MSH3: variants seen among roughly 807,000 people sequenced by gnomAD.
The protein encoded by MSH3 is DNA mismatch repair protein Msh3.
Under a neutral mutation model 123.3 loss-of-function variants are expected in MSH3, and 106 were observed. The ratio of observed to expected loss-of-function variants is 0.86; its 90% CI spans 0.73 to 1.01. The LOEUF is 1.01. Among genes scored for constraint, MSH3 ranks in the 50% least tolerant of loss-of-function variants. The pLI is 0.00. For missense variants in MSH3, 1,459 were observed against 1,347.6 expected, an observed-to-expected ratio of 1.08 and a Z score of -1.29; for synonymous variants, 515 against 481.4, an observed-to-expected ratio of 1.07 and a Z score of -0.91.
intron 8 of MSH3, among the ~76,000 whole-genome samples, chr5:80,683,409 G>A (rs1750015853): frequency 6.6e-6 from 1 of 152,000 alleles, no homozygotes; most frequent in Non-Finnish European, 1.5e-5. Flanking sequence ...TTTTAACTGA[G>A]GTGAGATGGT....
chr5:80,767,885 A>AT (rs1199864164), intron 13 of MSH3, 48 bp from the exon 14 acceptor site: 2 of 1,438,994 alleles, frequency 1.4e-6, no homozygotes, highest in Admixed American at 3.4e-5. Flanking sequence ...ATTAAACTTC[A>AT]TTTTCATGTA....
chr5:80,833,229 C>G (rs1745450116), intron 20 of MSH3, among the ~76,000 whole-genome samples: 1 of 151,946 alleles, frequency 6.6e-6, no homozygotes, highest in East Asian at 1.9e-4. Context: ...TAACTGTAAC[C>G]TTCTGTCTAC....
chr5:80,776,466 A>G (rs1744301087), intron 16 of MSH3, among the ~76,000 whole-genome samples: 1 of 152,014 alleles, frequency 6.6e-6, no homozygotes, highest in African/African-American at 2.4e-5. Flanking sequence ...TGAGCTCCAC[A>G]TTTCTTTATT....
At chr5:80,833,440 TA>T (rs1160480845) in intron 20 of MSH3, among the ~76,000 whole-genome samples, 2 of 152,206 alleles carry the variant, frequency 1.3e-5, no homozygotes, top group Admixed American at 6.5e-5. Flanking sequence ...AAACTTTATT[TA>T]TTTTTTTGTT....
At position 80,836,543 on chromosome 5, in the gene MSH3, C is replaced by CA. The variant is rs71603568; in HGVS notation, c.2814-17564dup. ...TCACATCAGCTCTTTGAATATGCCA[C>CA]AAAAAAAAAAAAAAAAAAAAAAAGC... is the stretch of plus-strand genomic sequence containing the variant. On this transcript the variant is annotated intron_variant, in intron 20 of 23. Coordinates refer to ENST00000265081, the MANE Select transcript of MSH3 (RefSeq NM_002439.5). Among the ~76,000 whole-genome samples the CA allele has an allele frequency of 8.3e-3, 990 of 118,664 alleles. 18 individuals are homozygous for CA. Among genetic ancestry groups the CA allele is most frequent in the African/African-American group, 0.019 (591 of 30,786 alleles). 77.8% of individuals were successfully genotyped at this position (118,664 alleles called of 152,430 possible). A position where few individuals can be genotyped will look rare whatever the true frequency, so the allele number is the denominator to read the frequency against.
chr5:80,808,462 T>C (rs1398668686), intron 19 of MSH3, among the ~76,000 whole-genome samples: 2 of 152,184 alleles, frequency 1.3e-5, no homozygotes, highest in East Asian at 1.9e-4. Flanking sequence ...CTTGACCTGG[T>C]TGAAGAAGTT....
intron 11 of MSH3, among the ~76,000 whole-genome samples, chr5:80,743,890 C>G (rs1239907611): frequency 6.6e-6 from 1 of 151,674 alleles, no homozygotes; most frequent in Admixed American, 6.6e-5. Flanking sequence ...TGGAAACAGC[C>G]ATTTTAGGTC....
At position 80,691,889 on chromosome 5, in the gene MSH3, GTA is replaced by G. The variant is rs1246194441; in HGVS notation, c.1340+12800_1340+12801del. On this transcript the variant is annotated intron_variant, in intron 8 of 23. Coordinates refer to ENST00000265081, the MANE Select transcript of MSH3 (RefSeq NM_002439.5). Reference sequence around the variant, plus strand: ...CATGTATGTTTATATAGATAAACGTGTATATGTTTATATAGATAAACATGTAT... The same window carrying G: ...CATGTATGTTTATATAGATAAACGTGTATGTTTATATAGATAAACATGTAT... Among the ~76,000 whole-genome samples, 200 of 131,986 alleles carry G rather than the reference GTA, an allele frequency of 1.5e-3. 8 individuals carry two copies. Among genetic ancestry groups the G allele is most frequent in the African/African-American group, 3.6e-3 (129 of 35,516 alleles). 86.6% of individuals were successfully genotyped at this position (131,986 alleles called of 152,430 possible). A position where few individuals can be genotyped will look rare whatever the true frequency, so the allele number is the denominator to read the frequency against.
At chr5:80,805,221 T>C (rs1330987819) in intron 19 of MSH3, among the ~76,000 whole-genome samples, 1 of 152,234 alleles carries the variant, frequency 6.6e-6, no homozygotes, top group South Asian at 2.1e-4. Flanking sequence ...GCTCTCAAAG[T>C]TGTAGCCTTG....
intron 20 of MSH3, among the ~76,000 whole-genome samples, chr5:80,828,942 G>T (rs985340915): frequency 4.6e-5 from 7 of 152,316 alleles, no homozygotes; most frequent in Middle Eastern, 6.8e-3. Context: ...TCCCAGGCTG[G>T]AGCTGAATGC....
chr5:80,857,216 T>C (rs993187104), intron 21 of MSH3, among the ~76,000 whole-genome samples: 5 of 152,224 alleles, frequency 3.3e-5, no homozygotes, highest in African/African-American at 1.2e-4. Flanking sequence ...TGTTCAAATG[T>C]TGAATGAGTC....
rs189118389 is a variant in MSH3, at chr5:80,670,369, A to G, written c.792+60A>G. The G allele has an allele frequency of 1.4e-5, 22 of 1,530,132 alleles. No homozygotes were observed. The East Asian group carries it at 3.6e-4, about 25-fold the overall frequency. The allele number at this position is 1,530,132 out of a possible 1,614,324, so 94.8% of individuals were successfully genotyped here. A position where few individuals can be genotyped will look rare whatever the true frequency, so the allele number is the denominator to read the frequency against. Reference sequence around the variant, plus strand: ...TCTTGTCTAGCCTTAGATATTTTTCAGTATTTTTGTTTCATTTTCTGACCT... The same window carrying G: ...TCTTGTCTAGCCTTAGATATTTTTCGGTATTTTTGTTTCATTTTCTGACCT... On this transcript the variant is annotated intron_variant, in intron 4 of 23. Transcript: ENST00000265081.
intron 2 of MSH3, among the ~76,000 whole-genome samples, chr5:80,664,035 TAGTA>T (rs772690365): frequency 5.0e-4 from 76 of 152,328 alleles, no homozygotes; most frequent in Non-Finnish European, 1.6e-4. Flanking sequence ...TACTGTGTTC[TAGTA>T]CATGGTAGGG....
intron 12 of MSH3, among the ~76,000 whole-genome samples, chr5:80,746,033 A>G (rs886675952): frequency 3.9e-5 from 6 of 152,124 alleles, no homozygotes; most frequent in South Asian, 2.1e-4. Flanking sequence ...TAACTGGACA[A>G]TAATCTAGGC....
chr5:80,742,559 CT>C (rs796339028), intron 11 of MSH3, among the ~76,000 whole-genome samples: 8 of 152,312 alleles, frequency 5.3e-5, no homozygotes, highest in African/African-American at 1.9e-4. Flanking sequence ...ATATTTATTA[CT>C]ATTGCAAATT....
intron 12 of MSH3, among the ~76,000 whole-genome samples, chr5:80,756,940 A>G (rs914612777): frequency 2.0e-5 from 3 of 152,184 alleles, no homozygotes; most frequent in East Asian, 1.9e-4. Flanking sequence ...GCCATTTCAC[A>G]TGACCAATGT....
At chr5:80,687,020 C>T (rs17205503) in intron 8 of MSH3, among the ~76,000 whole-genome samples, 27,031 of 152,094 alleles carry the variant, frequency 0.18, 3,176 homozygotes, top group Non-Finnish European at 0.27. Flanking sequence ...CTAAAATCTT[C>T]ACATTTCTTT....
At chr5:80,823,841 C>CGGGAA (rs1455913617) in intron 20 of MSH3, among the ~76,000 whole-genome samples, 2 of 152,112 alleles carry the variant, frequency 1.3e-5, no homozygotes, top group Non-Finnish European at 2.9e-5. Flanking sequence ...GAGGACCCTG[C>CGGGAA]GGCCTTCCGC....
chr5:80,704,827 A>G (rs1052787419), intron 8 of MSH3, among the ~76,000 whole-genome samples: 1 of 152,162 alleles, frequency 6.6e-6, no homozygotes, highest in Admixed American at 6.5e-5. Flanking sequence ...GGAGCATGAT[A>G]CCTTTCCTCT....
Sources: allele counts gnomAD v4.1 joint callset (sites outside exome capture counted in the v4.1 genomes callset), GRCh38; gene constraint gnomAD v4.1.1; transcripts MANE v1.5; gene names NCBI Gene and HGNC (gene_info 2026-07-23, HGNC 2026-07-21).